ZCWPW1: variants seen among roughly 807,000 people sequenced by gnomAD.
ZCWPW1 encodes the protein zinc finger CW-type and PWWP domain containing 1.
In ZCWPW1, 56 loss-of-function variants were observed where a neutral mutation model predicts 81.3. That is an observed-to-expected ratio of 0.69 (90% CI 0.56 to 0.86). The LOEUF (loss-of-function observed/expected upper bound fraction) is 0.86. ZCWPW1 is among the 40% of genes least tolerant of loss of function. ZCWPW1 has a pLI of 0.00. For missense variants in ZCWPW1, 650 were observed against 769.8 expected, an observed-to-expected ratio of 0.84 and a Z score of 1.84; for synonymous variants, 250 against 273.7, an observed-to-expected ratio of 0.91 and a Z score of 0.86.
chr7:100,426,327 C>T (rs1797321982), intron 1 of ZCWPW1, among the ~76,000 whole-genome samples: 1 of 152,048 alleles, frequency 6.6e-6, no homozygotes, highest in Non-Finnish European at 1.5e-5. Context: ...AGCCCCATCT[C>T]TACTAAAATA....
chr7:100,405,263 A>G (rs1792751495), intron 12 of ZCWPW1, among the ~76,000 whole-genome samples, 170 bp from the exon 13 acceptor site: 1 of 152,084 alleles, frequency 6.6e-6, no homozygotes, highest in Non-Finnish European at 1.5e-5. Context: ...CCCCGTCTCT[A>G]ATAAAAATAC....
chr7:100,406,270 T>C (rs753688916), intron 12 of ZCWPW1, among the ~76,000 whole-genome samples: 9 of 151,184 alleles, frequency 6.0e-5, no homozygotes, highest in Admixed American at 1.3e-4. Flanking sequence ...AGGGTGGAGG[T>C]GGGGGCTGCT....
At chr7:100,414,948 C>T (rs1342938482) in intron 8 of ZCWPW1, among the ~76,000 whole-genome samples, 1 of 150,852 alleles carries the variant, frequency 6.6e-6, no homozygotes, top group Admixed American at 6.6e-5. Context: ...TCGCTTGAAC[C>T]CGGGAGGAGA....
At position 100,416,082 on chromosome 7, in the gene ZCWPW1, T is replaced by C. The variant is rs1429986036; in HGVS notation, c.647A>G (p.Glu216Gly). 1 of 1,613,982 alleles carries C rather than the reference T, an allele frequency of 6.2e-7. No individual in the cohort carries two copies. Among genetic ancestry groups the C allele is most frequent in the East Asian group, 2.2e-5 (1 of 44,886 alleles). The stretch of plus-strand genomic sequence containing the variant: ...GTGCTCATGTCCACCTTGAGTTTTC[T>C]CCACCTTCTCATCTTCTGGGAAGAA... ...RKKEAQDEKV[E>G]KTQGGHEHRQ... Residue 216 changes from glutamate (E) to glycine (G), a missense_variant, in exon 8 of 18, where the codon GAG becomes GGG. By Grantham distance (98) the Glu-to-Gly change is moderately conservative. Coordinates refer to ENST00000684423, the MANE Select transcript of ZCWPW1 (RefSeq NM_001386010.1).
chr7:100,420,812 G>T, intron 2 of ZCWPW1, 134 bp from the exon 3 acceptor site: 1 of 735,636 alleles, frequency 1.4e-6, no homozygotes, highest in Non-Finnish European at 2.3e-6. Context: ...CCTCTGTGGT[G>T]CCAATTACAC....
chr7:100,420,745 T>G (rs940183575), intron 2 of ZCWPW1, 67 bp from the exon 3 acceptor site: 81 of 1,517,056 alleles, frequency 5.3e-5, no homozygotes, highest in Non-Finnish European at 2.4e-5. Context: ...TCTGTCTACT[T>G]GGGTTCAGAA....
At chr7:100,406,078 A>AT (rs1387184194) in intron 12 of ZCWPW1, among the ~76,000 whole-genome samples, 1 of 152,090 alleles carries the variant, frequency 6.6e-6, no homozygotes, top group East Asian at 1.9e-4. Context: ...TCATTGCTTG[A>AT]TTTTCTAAGG....
rs1036718941 is a variant in ZCWPW1, at chr7:100,420,788, T to C, written c.-29-110A>G. 8 of 1,014,060 alleles carry C rather than the reference T, an allele frequency of 7.9e-6. No individual in the cohort carries two copies. The African/African-American group carries it at 1.3e-4, about 16-fold the overall frequency. The allele number at this position is 1,014,060 out of a possible 1,614,324, so 62.8% of individuals were successfully genotyped here. Reference sequence around the variant, plus strand: ...GTTTCAGACCTCTGAACTAGGTTTCTGCATTCTTGACCTCCTCTGTGGTGC... The same window carrying C: ...GTTTCAGACCTCTGAACTAGGTTTCCGCATTCTTGACCTCCTCTGTGGTGC... On this transcript the variant is annotated intron_variant, in intron 2 of 17. Coordinates refer to ENST00000684423, the MANE Select transcript of ZCWPW1 (RefSeq NM_001386010.1).
chr7:100,419,916 A>C (rs1040831333), intron 3 of ZCWPW1, 33 bp from the exon 4 acceptor site: 1 of 1,507,772 alleles, frequency 6.6e-7, no homozygotes, highest in African/African-American at 1.4e-5. Flanking sequence ...GAATTTATGA[A>C]ACATACAGTC....
At chr7:100,405,547 T>A (rs1207328106) in intron 12 of ZCWPW1, among the ~76,000 whole-genome samples, 1 of 152,224 alleles carries the variant, frequency 6.6e-6, no homozygotes, top group Non-Finnish European at 1.5e-5. Context: ...GTTCCTAGTA[T>A]TGATACGATA....
At position 100,406,729 on chromosome 7, in the gene ZCWPW1, T is replaced by C. The variant is rs779665911; in HGVS notation, c.1138A>G (p.Asn380Asp). ...RAWIPVNMLK[N>D]FQELSLELSV... The stretch of plus-strand genomic sequence containing the variant: ...AGCTCCAGGGACAGCTCCTGGAAGT[T>C]CTTTAGCATGTTGACTGGGATCCAT... The change falls in exon 12 of 18, where the codon AAC becomes GAC. Residue 380 changes from asparagine (N) to aspartate (D), a missense_variant. Asn to Asp is a conservative substitution (Grantham distance 23). Coordinates refer to ENST00000684423, the MANE Select transcript of ZCWPW1 (RefSeq NM_001386010.1). The C allele has an allele frequency of 6.2e-6, 10 of 1,614,196 alleles. No individual in the cohort carries two copies. The South Asian group carries it at 1.1e-4, about 18-fold the overall frequency.
chr7:100,403,173 C>T (rs1340447405), intron 15 of ZCWPW1, among the ~76,000 whole-genome samples: 1 of 151,914 alleles, frequency 6.6e-6, no homozygotes, highest in African/African-American at 2.4e-5. Context: ...GAGATCCTTA[C>T]AGAAAGCTCC....
At chr7:100,423,889 C>T (rs1167491123) in intron 2 of ZCWPW1, among the ~76,000 whole-genome samples, 2 of 151,836 alleles carry the variant, frequency 1.3e-5, no homozygotes, top group African/African-American at 2.4e-5. Flanking sequence ...TTCAACGTGG[C>T]GAAACCCCTT....
intron 8 of ZCWPW1, among the ~76,000 whole-genome samples, chr7:100,410,130 G>A (rs1003318758): frequency 2.6e-5 from 4 of 152,086 alleles, no homozygotes; most frequent in African/African-American, 9.7e-5. Context: ...CCTGCTCAAA[G>A]GCCAAGCCTT....
chr7:100,405,135 A>G, intron 12 of ZCWPW1, 42 bp from the exon 13 acceptor site: 1 of 1,594,644 alleles, frequency 6.3e-7, no homozygotes, highest in Non-Finnish European at 8.6e-7. Flanking sequence ...ATTGACTTAA[A>G]GATTAGAGTC....
intron 10 of ZCWPW1, among the ~76,000 whole-genome samples, chr7:100,408,279 C>A (rs1793477809): frequency 6.6e-6 from 1 of 152,092 alleles, no homozygotes; most frequent in African/African-American, 2.4e-5. Context: ...TGCCTCAGAT[C>A]CACCCTCTTC....
intron 13 of ZCWPW1, 98 bp from the exon 14 acceptor site, chr7:100,404,342 C>T: frequency 9.2e-7 from 1 of 1,088,312 alleles, no homozygotes. Context: ...AATTCTGATT[C>T]ATTTTCCATA....
chr7:100,419,695 G>A lies in ZCWPW1; in HGVS notation c.217C>T (p.Pro73Ser), dbSNP rs1295869481. The change falls in exon 4 of 18, where the codon CCA becomes TCA. Residue 73 changes from proline (P) to serine (S), a missense_variant. Transcript: ENST00000684423. ...KEEKATMKNV[P>S]SREQEKKRKA... is the part of the protein sequence containing the mutation. ...CTTTTTTTCTCCTGTTCCCTGCTTGGAACATTCTTCATGGTTGCTTTTTCC... is the reference window on the plus strand; with the variant it reads ...CTTTTTTTCTCCTGTTCCCTGCTTGAAACATTCTTCATGGTTGCTTTTTCC... The A allele has an allele frequency of 6.2e-7, 1 of 1,613,914 alleles. No individual in the cohort carries two copies. The highest frequency in any genetic ancestry group is 2.2e-5 in the East Asian group (1 of 44,864).
rs553230992 is a variant in ZCWPW1 at position 100,404,892 on chromosome 7, C to G, written c.1254+121G>C. On this transcript the variant is annotated intron_variant, in intron 13 of 17. Transcript: ENST00000684423. ...AGGTTAGGGCACTTATATCTGAAAC[C>G]TGAAGTGAAATATAGAGGTAGGATG... 2.4e-4 allele frequency: 228 copies of G among 937,490 alleles called. 1 individual carries two copies. Among genetic ancestry groups the G allele is most frequent in the Non-Finnish European group, 3.2e-4 (209 of 645,314 alleles). 58.1% of individuals were successfully genotyped at this position (937,490 alleles called of 1,614,324 possible).
Sources: gnomAD v4.1 joint callset for allele counts (sites outside exome capture counted in the v4.1 genomes callset) on GRCh38, gnomAD v4.1.1 for gene constraint, MANE v1.5 for transcripts, NCBI Gene and HGNC (gene_info 2026-07-23, HGNC 2026-07-21) for gene names.